The following ZNF766 variants were observed in gnomAD, a reference collection of about 807,000 sequenced individuals.
ZNF766 encodes zinc finger protein 766.
Under a neutral mutation model 13.2 loss-of-function variants are expected in ZNF766, and 13 were observed. That is an observed-to-expected ratio of 0.98 (90% CI 0.64 to 1.56). The LOEUF (loss-of-function observed/expected upper bound fraction) is 1.56, where lower values mean the gene tolerates loss of function less well. ZNF766 is among the 40% of genes most tolerant of loss of function. The pLI is 0.00. For synonymous variants in ZNF766, 178 were observed against 187.6 expected (o/e 0.95, Z 0.42); for missense variants, 521 against 552.2 (o/e 0.94, Z 0.57).
At chr19:52,276,557 C>T (rs1981212018) in intron 1 of ZNF766, among the ~76,000 whole-genome samples, 1 of 151,576 alleles carries the variant, frequency 6.6e-6, no homozygotes, top group African/African-American at 2.4e-5. Flanking sequence ...TTTTGTGGTA[C>T]CTCATTGGTT....
chr19:52,290,874 CA>C lies in ZNF766; in HGVS notation c.1086del (p.Ala363LeufsTer8). ...EKPYKCKECD[K>X]AFRHKFSLTV... Reference sequence around the variant, plus strand: ...AACCTTACAAATGTAAAGAATGTGACAAAGCTTTTAGGCACAAGTTCTCCCT... The same window carrying C: ...AACCTTACAAATGTAAAGAATGTGACAAGCTTTTAGGCACAAGTTCTCCCT... On this transcript the variant is annotated frameshift_variant, in exon 4 of 4. Transcript: ENST00000439461. LOFTEE classifies it low-confidence loss of function (END_TRUNC). 2 of 1,613,934 alleles carry C rather than the reference CA, an allele frequency of 1.2e-6. No individual in the cohort carries two copies. Among genetic ancestry groups the C allele is most frequent in the Non-Finnish European group, 1.7e-6 (2 of 1,179,956 alleles).
intron 1 of ZNF766, among the ~76,000 whole-genome samples, chr19:52,271,537 G>A (rs1467663610): frequency 6.6e-6 from 1 of 152,162 alleles, no homozygotes; most frequent in African/African-American, 2.4e-5. Flanking sequence ...CTGCGATTGT[G>A]CACCAGGTGC....
At chr19:52,287,986 T>G (rs1981914146) in intron 3 of ZNF766, 2 of 427,338 alleles carry the variant, frequency 4.7e-6, no homozygotes, top group African/African-American at 4.2e-5. Context: ...CTAACCTTTA[T>G]TTTTTCTTTC....
chr19:52,283,883 G>A lies in ZNF766; in HGVS notation c.274+470G>A, dbSNP rs1445098073. Among the ~76,000 whole-genome samples, 6 of 152,196 alleles carry A rather than the reference G, an allele frequency of 3.9e-5. No homozygotes were observed. The East Asian group carries it at 5.8e-4, about 15-fold the overall frequency. The stretch of plus-strand genomic sequence containing the variant: ...CTCCCAAGTAGCTGGGATTACAGGC[G>A]TGCGCCACCACGCCCAGCTAATTTT... On this transcript the variant is annotated intron_variant, in intron 3 of 3. Transcript: ENST00000439461.
At position 52,291,906 on chromosome 19, in the gene ZNF766, C is replaced by G; in HGVS notation, c.*708C>G. The G allele has an allele frequency of 4.1e-6, 2 of 487,258 alleles. No individual in the cohort carries two copies. Among genetic ancestry groups the G allele is most frequent in the Non-Finnish European group, 7.3e-6 (2 of 275,074 alleles). The allele number at this position is 487,258 out of a possible 1,614,324, so 30.2% of individuals were successfully genotyped here. ...TATGGGCAACGTAGCAAGGCCCATC[C>G]CTACAAAATAAAAAAAATAAGCCAG... On this transcript the variant is annotated 3_prime_UTR_variant, in exon 4 of 4. Coordinates refer to ENST00000439461, the MANE Select transcript of ZNF766 (RefSeq NM_001010851.3).
At chr19:52,279,798 T>C (rs1289538936) in intron 1 of ZNF766, among the ~76,000 whole-genome samples, 4 of 137,006 alleles carry the variant, frequency 2.9e-5, no homozygotes, top group African/African-American at 5.6e-5. Context: ...TCTTTTTTTT[T>C]TTTTTTTTTT....
At position 52,292,324 on chromosome 19, in the gene ZNF766, C is replaced by T. The variant is rs770722893; in HGVS notation, c.*1126C>T. The stretch of plus-strand genomic sequence containing the variant: ...AGAATAACAAAACCGTGATGGCAGT[C>T]ATCATGCTTATTGCAGTTAGCACAC... On this transcript the variant is annotated 3_prime_UTR_variant, in exon 4 of 4. Coordinates refer to ENST00000439461, the MANE Select transcript of ZNF766 (RefSeq NM_001010851.3). The T allele has an allele frequency of 6.4e-6, 4 of 629,556 alleles. No homozygotes were observed. The highest frequency in any genetic ancestry group is 1.1e-5 in the Non-Finnish European group (4 of 352,518). 39.0% of individuals were successfully genotyped at this position (629,556 alleles called of 1,614,324 possible). A position where few individuals can be genotyped will look rare whatever the true frequency, so the allele number is the denominator to read the frequency against.
At chr19:52,283,501 C>T (rs1981648929) in intron 3 of ZNF766, 88 bp downstream of exon 3, 1 of 1,421,962 alleles carries the variant, frequency 7.0e-7, no homozygotes, top group Non-Finnish European at 9.3e-7. Flanking sequence ...GTGCATTGGC[C>T]ATCATAGCTC....
chr19:52,274,023 C>A (rs1981085026), intron 1 of ZNF766, among the ~76,000 whole-genome samples: 1 of 152,226 alleles, frequency 6.6e-6, no homozygotes, highest in African/African-American at 2.4e-5. Context: ...TGGTCAACCA[C>A]AGTCCAAGGT....
Position 52,291,222 on chromosome 19 carries a change from T to G in ZNF766, c.*24T>G. 6.5e-7 allele frequency: 1 copy of G among 1,535,180 alleles called. No individual in the cohort carries two copies. The highest frequency in any genetic ancestry group is 8.7e-7 in the Non-Finnish European group (1 of 1,144,250). On this transcript the variant is annotated 3_prime_UTR_variant, in exon 4 of 4. Transcript: ENST00000439461. ...GAGTTTGGCAAACTCTATCATAAGT[T>G]CTAGCAGTAATCAACATCCGAGAGT...
At position 52,293,173 on chromosome 19, in the gene ZNF766, C is replaced by CTTTTTTTTTTTTTTTTTTTTTT. The variant is rs71180433; in HGVS notation, c.*1993_*1994insTTTTTTTTTTTTTTTTTTTTTT. 1 of 130,360 alleles carries CTTTTTTTTTTTTTTTTTTTTTT rather than the reference C, an allele frequency of 7.7e-6. No individual in the cohort carries two copies. The highest frequency in any genetic ancestry group is 1.6e-5 in the Non-Finnish European group (1 of 62,236). The allele number at this position is 130,360 out of a possible 1,614,324, so 8.1% of individuals were successfully genotyped here. On this transcript the variant is annotated 3_prime_UTR_variant, in exon 4 of 4. Coordinates refer to ENST00000439461, the MANE Select transcript of ZNF766 (RefSeq NM_001010851.3). ...TCCTTTTTATGGCTGCATAGTATTC[C>CTTTTTTTTTTTTTTTTTTTTTT]TTTTTTTTTTTTTTTTTTGAGATGA... is the stretch of plus-strand genomic sequence containing the variant.
intron 1 of ZNF766, chr19:52,281,665 G>T: frequency 2.5e-6 from 1 of 399,866 alleles, no homozygotes; most frequent in South Asian, 1.9e-5. Context: ...ACTTTACTCA[G>T]TTAGGTAATT....
At chr19:52,278,354 A>T (rs1191920200) in intron 1 of ZNF766, among the ~76,000 whole-genome samples, 2 of 152,114 alleles carry the variant, frequency 1.3e-5, no homozygotes, top group African/African-American at 4.8e-5. Context: ...CTTGTTGGCT[A>T]CATGTATGTC....
In ZNF766 at chr19:52,291,289, C is replaced by A; in HGVS notation, c.*91C>A. The A allele has an allele frequency of 7.8e-7, 1 of 1,279,462 alleles. No individual in the cohort carries two copies. The highest frequency in any genetic ancestry group is 1.1e-6 in the Non-Finnish European group (1 of 930,248). The allele number at this position is 1,279,462 out of a possible 1,614,324, so 79.3% of individuals were successfully genotyped here. A position where few individuals can be genotyped will look rare whatever the true frequency, so the allele number is the denominator to read the frequency against. ...TCATTTAAATGTACTATATGTGGCA[C>A]AGGCTGTATCGAGACCTACCAAATC... On this transcript the variant is annotated 3_prime_UTR_variant, in exon 4 of 4. Coordinates refer to ENST00000439461, the MANE Select transcript of ZNF766 (RefSeq NM_001010851.3).
chr19:52,278,102 A>G (rs1037986766), intron 1 of ZNF766, among the ~76,000 whole-genome samples: 3 of 151,526 alleles, frequency 2.0e-5, no homozygotes, highest in Non-Finnish European at 4.4e-5. Context: ...CCTCTTGAGT[A>G]GCTGGGACCA....
intron 3 of ZNF766, chr19:52,285,157 T>A (rs1395077260): frequency 6.6e-6 from 1 of 152,192 alleles, no homozygotes; most frequent in Non-Finnish European, 1.5e-5. Flanking sequence ...CAGGGTTTTT[T>A]AGCACAAAAC....
At chr19:52,270,616 C>A (rs1413893521) in intron 1 of ZNF766, among the ~76,000 whole-genome samples, 1 of 151,922 alleles carries the variant, frequency 6.6e-6, no homozygotes, top group Non-Finnish European at 1.5e-5. Flanking sequence ...CCCCAGAGAT[C>A]TGGGGTTGCC....
chr19:52,272,560 G>C (rs528873530), intron 1 of ZNF766, among the ~76,000 whole-genome samples: 3 of 152,056 alleles, frequency 2.0e-5, no homozygotes, highest in Non-Finnish European at 4.4e-5. Flanking sequence ...TTGAACTCCC[G>C]GGCTCAGGAG....
chr19:52,287,906 G>A, intron 3 of ZNF766: 1 of 361,834 alleles, frequency 2.8e-6, no homozygotes, highest in Non-Finnish European at 5.2e-6. Flanking sequence ...TTTGTCAAAA[G>A]TCTTACCCAA....
Sources: allele counts gnomAD v4.1 joint callset (sites outside exome capture counted in the v4.1 genomes callset), GRCh38; gene constraint gnomAD v4.1.1; transcripts MANE v1.5; gene names NCBI Gene and HGNC (gene_info 2026-07-23, HGNC 2026-07-21).